The following SMC2 variants were observed in gnomAD, a reference collection of about 807,000 sequenced individuals.
SMC2 encodes structural maintenance of chromosomes protein 2.
In SMC2, 41 loss-of-function variants were observed where a neutral mutation model predicts 142.6. The observed-to-expected ratio is 0.29, with a 90% CI of 0.22 to 0.37. SMC2 has a LOEUF of 0.37. Ranked by LOEUF, SMC2 falls within the 10% of genes least tolerant of loss-of-function variation. SMC2 has a pLI of 1.00. For synonymous variants in SMC2, 463 were observed against 457.5 expected, an observed-to-expected ratio of 1.01 and a Z score of -0.15; for missense variants, 1,265 against 1,373.7, an observed-to-expected ratio of 0.92 and a Z score of 1.25.
At chr9:104,114,195 T>C (rs1832827831) in intron 12 of SMC2, 114 bp downstream of exon 12, 10 of 565,476 alleles carry the variant, frequency 1.8e-5, no homozygotes, top group South Asian at 5.7e-5. Flanking sequence ...AAACTTGTTG[T>C]AAGCTGCTTT....
At chr9:104,128,384 G>GT (rs1472965518) in intron 20 of SMC2, among the ~76,000 whole-genome samples, 2 of 152,112 alleles carry the variant, frequency 1.3e-5, no homozygotes, top group African/African-American at 4.8e-5. Context: ...ACTGCTAATA[G>GT]TTTTTTGGTA....
chr9:104,102,203 T>C lies in SMC2; in HGVS notation c.870+10T>C. On this transcript the variant is annotated intron_variant, in intron 8 of 24. Transcript: ENST00000374793. ...AAAAAGAAAAGATAAGGTCTGAACATATGTATAAGAATCGATAATATACTC... is the reference window on the plus strand; with the variant it reads ...AAAAAGAAAAGATAAGGTCTGAACACATGTATAAGAATCGATAATATACTC... The C allele has an allele frequency of 6.9e-7, 1 of 1,440,680 alleles. No homozygotes were observed. The allele number at this position is 1,440,680 out of a possible 1,614,324, so 89.2% of individuals were successfully genotyped here.
upstream of SMC2, chr9:104,094,294 C>G (rs1434740198): frequency 2.5e-6 from 1 of 398,532 alleles, no homozygotes; most frequent in African/African-American, 2.1e-5. Flanking sequence ...GGGTCCTTTG[C>G]TCGCGCCGAA....
At chr9:104,128,928 A>G (rs937705706) in intron 20 of SMC2, among the ~76,000 whole-genome samples, 1 of 152,226 alleles carries the variant, frequency 6.6e-6, no homozygotes, top group Non-Finnish European at 1.5e-5. Flanking sequence ...CATGATTTTT[A>G]CCAAATCTAT....
At chr9:104,099,005 T>C (rs1587890363) in intron 4 of SMC2, among the ~76,000 whole-genome samples, 1 of 152,064 alleles carries the variant, frequency 6.6e-6, no homozygotes, top group African/African-American at 2.4e-5. Context: ...CAGCTGCCGT[T>C]TGAGAGAATT....
chr9:104,117,701 A>T (rs1233881480), intron 14 of SMC2, among the ~76,000 whole-genome samples: 1 of 152,226 alleles, frequency 6.6e-6, no homozygotes, highest in African/African-American at 2.4e-5. Flanking sequence ...ATTTTCCAAA[A>T]TTCAAAACTA....
chr9:104,105,478 C>T (rs182337252), intron 9 of SMC2, among the ~76,000 whole-genome samples: 2 of 152,178 alleles, frequency 1.3e-5, no homozygotes, highest in Admixed American at 6.5e-5. Flanking sequence ...GAGGCATTGG[C>T]GTTTGCCAGC....
chr9:104,100,515 A>G, intron 7 of SMC2, 82 bp downstream of exon 7: 3 of 903,386 alleles, frequency 3.3e-6, no homozygotes, highest in Non-Finnish European at 5.2e-6. Context: ...ACATAGTGAT[A>G]CTATTTCTTG....
chr9:104,099,818 G>T (rs1564069180), intron 5 of SMC2, 136 bp downstream of exon 5: 3 of 636,330 alleles, frequency 4.7e-6, no homozygotes, highest in Non-Finnish European at 2.7e-6. Flanking sequence ...TTGTATATTT[G>T]TGTAATATTT....
chr9:104,110,612 C>G (rs1587929223), intron 9 of SMC2, among the ~76,000 whole-genome samples: 2 of 31,608 alleles, frequency 6.3e-5, no homozygotes, highest in Admixed American at 3.7e-4. Flanking sequence ...ATAATTGAAT[C>G]TAAGTCTTTA....
intron 14 of SMC2, among the ~76,000 whole-genome samples, chr9:104,116,947 GT>G (rs995209926): frequency 2.0e-5 from 3 of 152,146 alleles, no homozygotes; most frequent in Non-Finnish European, 4.4e-5. Flanking sequence ...TGTAATATCA[GT>G]TTTTTTATTG....
intron 21 of SMC2, among the ~76,000 whole-genome samples, chr9:104,131,431 A>G (rs1359294686): frequency 6.6e-6 from 1 of 152,102 alleles, no homozygotes; most frequent in Non-Finnish European, 1.5e-5. Flanking sequence ...AACCTGGTTG[A>G]TTGGTGCAGC....
At position 104,096,155 on chromosome 9, in the gene SMC2, C is replaced by T. The variant is rs1180158523; in HGVS notation, c.176C>T (p.Ala59Val). 1.9e-6 allele frequency: 3 copies of T among 1,612,300 alleles called. No individual in the cohort carries two copies. The highest frequency in any genetic ancestry group is 1.7e-6 in the Non-Finnish European group (2 of 1,179,314). Residue 59 changes from alanine (A) to valine (V), a missense_variant, in exon 3 of 25, where the codon GCT becomes GTT. Physicochemically the swap from Ala to Val is moderately conservative, Grantham distance 64. Transcript: ENST00000374793. ...LGISNLSQVRASNLQDLVYKN... is the reference protein window; with the variant it reads ...LGISNLSQVRVSNLQDLVYKN... The stretch of plus-strand genomic sequence containing the variant: ...TTTCATATTTTATTTTAGGTTCGGG[C>T]TTCTAATTTACAAGATTTAGTTTAC...
rs1464779109 is a variant in SMC2, at chr9:104,114,584, CT to C, written c.1533-104del. 6 of 1,013,788 alleles carry C rather than the reference CT, an allele frequency of 5.9e-6. No homozygotes were observed. The African/African-American group carries it at 8.2e-5, about 14-fold the overall frequency. 62.8% of individuals were successfully genotyped at this position (1,013,788 alleles called of 1,614,324 possible). On this transcript the variant is annotated intron_variant, in intron 12 of 24. Coordinates refer to ENST00000374793, the MANE Select transcript of SMC2 (RefSeq NM_006444.3). ...TGTTAAAACCATTTTGCTGATTCTA[CT>C]TTCATTTCACTTTAATGTGTTGTCC... is the stretch of plus-strand genomic sequence containing the variant.
Position 104,095,513 on chromosome 9 carries a change from C to T in SMC2, c.129C>T (p.Asp43=), listed in dbSNP as rs942207139. The change falls in exon 2 of 25, where the codon GAC becomes GAT. Residue 43 remains aspartate (D), a synonymous_variant. Transcript: ENST00000374793. The stretch of plus-strand genomic sequence containing the variant: ...GTAGTGGGAAATCCAACATATTGGA[C>T]TCCATCTGCTTTTTGCTGGGCATCT... ...LNGSGKSNIL[D]SICFLLGISN... The T allele has an allele frequency of 3.1e-6, 5 of 1,613,880 alleles. No individual in the cohort carries two copies. The highest frequency in any genetic ancestry group is 4.2e-6 in the Non-Finnish European group (5 of 1,179,876).
At chr9:104,135,587 A>G (rs965920225) in intron 23 of SMC2, among the ~76,000 whole-genome samples, 2 of 152,156 alleles carry the variant, frequency 1.3e-5, no homozygotes, top group African/African-American at 4.8e-5. Context: ...AGTTCTATCA[A>G]CCTCAGGCAG....
Position 104,129,669 on chromosome 9 carries a change from G to T in SMC2, c.2815G>T (p.Asp939Tyr). 6.2e-7 allele frequency: 1 copy of T among 1,613,854 alleles called. No homozygotes were observed. Among genetic ancestry groups the T allele is most frequent in the South Asian group, 1.1e-5 (1 of 91,022 alleles). Reference sequence around the variant, plus strand: ...GGTATCCAAAATGTTGAAAGATTATGACTGGATTAATGCAGAGAGACACCT... The same window carrying T: ...GGTATCCAAAATGTTGAAAGATTATTACTGGATTAATGCAGAGAGACACCT... ...AKVSKMLKDYDWINAERHLFG... is the reference protein window; with the variant it reads ...AKVSKMLKDYYWINAERHLFG... The change falls in exon 21 of 25, where the codon GAC becomes TAC. Residue 939 changes from aspartate (D) to tyrosine (Y), a missense_variant. Asp to Tyr is a radical substitution (Grantham distance 160). Transcript: ENST00000374793.
chr9:104,131,237 T>C (rs771025189), intron 21 of SMC2, among the ~76,000 whole-genome samples: 17 of 152,144 alleles, frequency 1.1e-4, no homozygotes, highest in African/African-American at 1.7e-4. Context: ...GCAACCGTTA[T>C]GTCAGAGAAA....
chr9:104,125,027 G>C lies in SMC2; in HGVS notation c.2373G>C (p.Leu791=), dbSNP rs757528428. ...KNAEAERERE[L]KDAQKKLDCA... ...CAGAAGCTGAAAGAGAGCGAGAACTGAAAGATGCTCAGAAAAAACTGGATT... is the reference window on the plus strand; with the variant it reads ...CAGAAGCTGAAAGAGAGCGAGAACTCAAAGATGCTCAGAAAAAACTGGATT... The change falls in exon 18 of 25, where the codon CTG becomes CTC. Residue 791 remains leucine (L), a synonymous_variant. Coordinates refer to ENST00000374793, the MANE Select transcript of SMC2 (RefSeq NM_006444.3). 6.2e-7 allele frequency: 1 copy of C among 1,606,784 alleles called. No individual in the cohort carries two copies. The highest frequency in any genetic ancestry group is 1.7e-5 in the Admixed American group (1 of 57,774).
Sources: allele counts gnomAD v4.1 joint callset (sites outside exome capture counted in the v4.1 genomes callset), GRCh38; gene constraint gnomAD v4.1.1; transcripts MANE v1.5; gene names NCBI Gene and HGNC (gene_info 2026-07-23, HGNC 2026-07-21).